Variants in SPTA1 observed in about 807,000 individuals in gnomAD.
SPTA1 encodes spectrin alpha, erythrocytic 1, also known as spectrin alpha chain, erythrocytic 1.
In SPTA1, 177 loss-of-function variants were observed where a neutral mutation model predicts 324.7. The ratio of observed to expected loss-of-function variants is 0.55; its 90% confidence interval spans 0.48 to 0.62. The LOEUF is 0.62. SPTA1 is among the 20% of genes least tolerant of loss of function. SPTA1 has a pLI of 0.00. For missense variants in SPTA1, 3,162 were observed against 2,883.6 expected, an observed-to-expected ratio of 1.10 and a Z score of -2.21; for synonymous variants, 1,195 against 1,041.3, an observed-to-expected ratio of 1.15 and a Z score of -2.84.
chr1:158,636,507 T>C (rs1651082339), intron 37 of SPTA1, 134 bp downstream of exon 37: 3 of 1,032,910 alleles, frequency 2.9e-6, no homozygotes, highest in African/African-American at 1.6e-5. Context: ...AGAATATTTG[T>C]AAACTCTTTG....
Position 158,659,595 on chromosome 1 carries a change from A to ATTATTTTTTTTTTTTTTTTTTTTTTT in SPTA1, c.2587+1691_2587+1692insAAAAAAAAAAAAAAAAAAAAAAATAA, listed in dbSNP as rs1345384278. Among the ~76,000 whole-genome samples, 3 of 68,716 alleles carry ATTATTTTTTTTTTTTTTTTTTTTTTT rather than the reference A, an allele frequency of 4.4e-5. 1 individual carries two copies. The highest frequency in any genetic ancestry group is 1.0e-4 in the Non-Finnish European group (3 of 30,038). 45.1% of individuals were successfully genotyped at this position (68,716 alleles called of 152,430 possible). A position where few individuals can be genotyped will look rare whatever the true frequency, so the allele number is the denominator to read the frequency against. On this transcript the variant is annotated intron_variant, in intron 18 of 51. Coordinates refer to ENST00000643759, the MANE Select transcript of SPTA1 (RefSeq NM_003126.4). ...AAAAGAAAATAATAGTCTTAGCATT[A>ATTATTTTTTTTTTTTTTTTTTTTTTT]TTTTTTTTTTTTTTTTTTTTTTTTT...
chr1:158,617,131 T>C (rs968203622), intron 47 of SPTA1, among the ~76,000 whole-genome samples: 2 of 152,246 alleles, frequency 1.3e-5, no homozygotes, highest in African/African-American at 4.8e-5. Flanking sequence ...ATCATCTTAC[T>C]ACGTCATATA....
rs1464790251 is a variant in SPTA1 at position 158,647,674 on chromosome 1, G to A, written c.3761C>T (p.Pro1254Leu). 1 of 1,613,826 alleles carries A rather than the reference G, an allele frequency of 6.2e-7. No individual in the cohort carries two copies. The highest frequency in any genetic ancestry group is 1.3e-5 in the African/African-American group (1 of 74,890). ...ETAERLSESH[P>L]DATEDLQRQK... ...TCTCTGCAGGTCCTCAGTGGCATCT[G>A]GATGGGACTCACTGAGCCGCTCTGC... The change falls in exon 27 of 52, where the codon CCA (proline) becomes CTA (leucine). Residue 1254 changes from proline to leucine, a missense_variant. Coordinates refer to ENST00000643759, the MANE Select transcript of SPTA1 (RefSeq NM_003126.4).
chr1:158,669,529 G>T lies in SPTA1; in HGVS notation c.1712C>A (p.Ala571Asp). 1.2e-6 allele frequency: 2 copies of T among 1,614,116 alleles called. No homozygotes were observed. The highest frequency in any genetic ancestry group is 1.7e-6 in the Non-Finnish European group (2 of 1,179,994). ...LARRDALREK[A>D]ATRRRLLKES... is the part of the protein sequence containing the mutation. ...CTTCAGCAATCTACGTCTAGTGGCA[G>T]CCTTTTCACGTAGGGCATCCCGCCG... Residue 571 changes from alanine to aspartate, a missense_variant, in exon 14 of 52, where the codon GCT becomes GAT. Ala to Asp is a moderately radical substitution (Grantham distance 126, BLOSUM62 -2). Coordinates refer to ENST00000643759, the MANE Select transcript of SPTA1 (RefSeq NM_003126.4).
chr1:158,639,568 C>T lies in SPTA1; in HGVS notation c.4980+14G>A, dbSNP rs1250833664. 2 of 1,611,714 alleles carry T rather than the reference C, an allele frequency of 1.2e-6. No homozygotes were observed. Among genetic ancestry groups the T allele is most frequent in the Non-Finnish European group, 1.7e-6 (2 of 1,177,998 alleles). Reference sequence around the variant, plus strand: ...CTATTCTGCCCAGAGGAGAGGGATGCCAACACTACTTACCTCTCGAGCCAA... The same window carrying T: ...CTATTCTGCCCAGAGGAGAGGGATGTCAACACTACTTACCTCTCGAGCCAA... On this transcript the variant is annotated intron_variant, in intron 35 of 51. Transcript: ENST00000643759.
chr1:158,664,551 C>T (rs756933596), intron 16 of SPTA1, among the ~76,000 whole-genome samples: 16 of 152,064 alleles, frequency 1.1e-4, no homozygotes, highest in Non-Finnish European at 2.4e-4. Flanking sequence ...CTAATGCATG[C>T]AGGGCTTAAA....
chr1:158,684,006 T>A (rs1168770760), intron 2 of SPTA1, among the ~76,000 whole-genome samples: 1 of 151,284 alleles, frequency 6.6e-6, no homozygotes, highest in Non-Finnish European at 1.5e-5. Flanking sequence ...TAATTTTAGG[T>A]GAATAGAAAG....
intron 39 of SPTA1, among the ~76,000 whole-genome samples, chr1:158,632,093 C>A (rs6678873): frequency 6.6e-6 from 1 of 151,902 alleles, no homozygotes; most frequent in Non-Finnish European, 1.5e-5. Context: ...TATATTCATT[C>A]AATAAAATAC....
chr1:158,681,661 T>C lies in SPTA1; in HGVS notation c.397A>G (p.Ile133Val), dbSNP rs1418499877. The change falls in exon 4 of 52, where the codon ATA becomes GTA. Residue 133 changes from isoleucine to valine, a missense_variant. Physicochemically the swap from Ile to Val is conservative, Grantham distance 29 (BLOSUM62 3). Coordinates refer to ENST00000643759, the MANE Select transcript of SPTA1 (RefSeq NM_003126.4). ...HSAHEETKAH[I>V]EELRHLWDLL... The stretch of plus-strand genomic sequence containing the variant: ...TCCCACAGGTGGCGTAGCTCCTCTA[T>C]ATGGGCCTTTAGGAAAGAGGGGCAA... 11 of 1,613,434 alleles carry C rather than the reference T, an allele frequency of 6.8e-6. No individual in the cohort carries two copies. The highest frequency in any genetic ancestry group is 8.5e-6 in the Non-Finnish European group (10 of 1,179,716).
chr1:158,666,638 C>CA (rs1411173080), intron 15 of SPTA1, 141 bp from the exon 16 acceptor site: 1 of 781,868 alleles, frequency 1.3e-6, no homozygotes, highest in Admixed American at 2.4e-5. Context: ...ACATGTCTCA[C>CA]AAAAAGTCAT....
At position 158,677,818 on chromosome 1, in the gene SPTA1, T is replaced by C. The variant is rs771259446; in HGVS notation, c.829A>G (p.Ile277Val). 6.2e-7 allele frequency: 1 copy of C among 1,613,650 alleles called. No homozygotes were observed. The highest frequency in any genetic ancestry group is 8.5e-7 in the Non-Finnish European group (1 of 1,179,696). The change falls in exon 7 of 52, where the codon ATC becomes GTC. Residue 277 changes from isoleucine (I) to valine (V), a missense_variant. By Grantham distance (29) the Ile-to-Val change is conservative. Transcript: ENST00000643759. ...GGTTCCTTCTCCTTGATCCACTGGA[T>C]GGCTTCAGTCACATCCCTGCAGTCA... is the stretch of plus-strand genomic sequence containing the variant. Reference protein sequence around the residue: ...QRFKRDVTEAIQWIKEKEPVL... With the variant: ...QRFKRDVTEAVQWIKEKEPVL...
At chr1:158,662,655 G>A in intron 17 of SPTA1, 47 bp downstream of exon 17, 11 of 1,612,216 alleles carry the variant, frequency 6.8e-6, no homozygotes, top group Non-Finnish European at 9.3e-6. Context: ...TCAATATATA[G>A]ACCTTGGTCC....
At chr1:158,631,851 C>T (rs1650695359) in intron 39 of SPTA1, among the ~76,000 whole-genome samples, 1 of 152,036 alleles carries the variant, frequency 6.6e-6, no homozygotes, top group African/African-American at 2.4e-5. Flanking sequence ...AGTGGGAATG[C>T]AAAATGGCAC....
intron 48 of SPTA1, chr1:158,614,533 A>T: frequency 2.2e-6 from 1 of 446,038 alleles, no homozygotes; most frequent in South Asian, 4.1e-5. Flanking sequence ...GTTGAAGACA[A>T]TCAAAAGAAA....
At chr1:158,639,820 A>C in intron 34 of SPTA1, 50 bp downstream of exon 34, 8 of 1,613,572 alleles carry the variant, frequency 5.0e-6, no homozygotes, top group Non-Finnish European at 6.8e-6. Flanking sequence ...CATTTGTCTG[A>C]CAAGTATGTA....
chr1:158,640,133 C>T (rs768230029), intron 33 of SPTA1, 126 bp from the exon 34 acceptor site: 1 of 1,161,750 alleles, frequency 8.6e-7, no homozygotes, highest in Non-Finnish European at 1.3e-6. Flanking sequence ...ACTTGAATAT[C>T]ATACATTTCA....
At chr1:158,640,691 T>C (rs867099815) in intron 33 of SPTA1, among the ~76,000 whole-genome samples, 1 of 152,070 alleles carries the variant, frequency 6.6e-6, no homozygotes, top group African/African-American at 2.4e-5. Context: ...AATGGAAGAA[T>C]ATTCCATGCT....
At chr1:158,626,043 G>T in intron 42 of SPTA1, 103 bp downstream of exon 42, 1 of 968,278 alleles carries the variant, frequency 1.0e-6, no homozygotes, top group African/African-American at 1.6e-5. Context: ...ATCTTACAGA[G>T]GCTACAGACA....
In SPTA1 at chr1:158,638,142, G is replaced by T; in HGVS notation, c.5080C>A (p.Arg1694Ser). ...IVKKKDNVNKRFLNVQELAAA... is the reference protein window; with the variant it reads ...IVKKKDNVNKSFLNVQELAAA... ...GCCAATTCTTGGACATTCAGGAAAC[G>T]CTTGTTGACATTATCTTTTTTCTTC... Residue 1694 changes from arginine (R) to serine (S), a missense_variant, in exon 36 of 52, where the codon CGT becomes AGT. Transcript: ENST00000643759. 2 of 1,613,996 alleles carry T rather than the reference G, an allele frequency of 1.2e-6. No homozygotes were observed. Among genetic ancestry groups the T allele is most frequent in the Middle Eastern group, 1.7e-4 (1 of 6,060 alleles).
Sources: allele counts gnomAD v4.1 joint callset (sites outside exome capture counted in the v4.1 genomes callset), GRCh38; gene constraint gnomAD v4.1.1; transcripts MANE v1.5; gene names NCBI Gene and HGNC (gene_info 2026-07-23, HGNC 2026-07-21).